Variants in KLHL4 observed in about 807,000 individuals in gnomAD.
The protein encoded by KLHL4 is kelch-like protein 4.
In KLHL4, 17 loss-of-function variants were observed where a neutral mutation model predicts 45.8. That is an observed-to-expected ratio of 0.37 (90% CI 0.25 to 0.56). KLHL4 has a LOEUF of 0.56. Among genes scored for constraint, KLHL4 ranks in the 20% least tolerant of loss-of-function variants. The pLI is 0.79. For missense variants in KLHL4, 544 were observed against 544.9 expected (o/e 1.00, Z 0.02); for synonymous variants, 224 against 189.9 (o/e 1.18, Z -1.47).
At position 87,669,125 on chromosome X, in the gene KLHL4, G is replaced by A. The variant is rs772500684; in HGVS notation, c.*2591G>A. 1.8e-4 allele frequency: 185 copies of A among 1,003,331 alleles called. 1 individual carries two copies. In the African/African-American group the frequency reaches 3.1e-3, roughly 17 times the overall value. The allele number at this position is 1,003,331 out of a possible 1,213,427, so 82.7% of individuals were successfully genotyped here. A position where few individuals can be genotyped will look rare whatever the true frequency, so the allele number is the denominator to read the frequency against. On this transcript the variant is annotated 3_prime_UTR_variant, in exon 11 of 11. Transcript: ENST00000373119. Reference sequence around the variant, plus strand: ...TATCAGGGCTAGTTTAAACAAATGTGTATAGGAAAGGATGTTATTTATATA... The same window carrying A: ...TATCAGGGCTAGTTTAAACAAATGTATATAGGAAAGGATGTTATTTATATA...
chrX:87,568,391 CTTTT>C (rs58586775), intron 1 of KLHL4, among the ~76,000 whole-genome samples: 13 of 57,495 alleles, frequency 2.3e-4, no homozygotes, highest in African/African-American at 8.2e-4. Context: ...TTCTTTTTTT[CTTTT>C]TTTTTTTTTT....
At chrX:87,620,368 C>G (rs1922710158) in intron 4 of KLHL4, among the ~76,000 whole-genome samples, 1 of 111,711 alleles carries the variant, frequency 9.0e-6, no homozygotes, top group Non-Finnish European at 1.9e-5. Flanking sequence ...GTACTGGATA[C>G]TGCAATGTAA....
Position 87,625,713 on chromosome X carries a change from C to A in KLHL4, c.1241C>A (p.Ser414Tyr). The change falls in exon 6 of 11, where the codon TCC (serine) becomes TAC (tyrosine). Residue 414 changes from serine to tyrosine, a missense_variant. Ser to Tyr is a moderately radical substitution (Grantham distance 144, BLOSUM62 -2). Transcript: ENST00000373119. ...TATCATCTTTTGCCTGAGAGAAGATCCATGATGCAAAGCCCTCGGACAAAG... is the reference window on the plus strand; with the variant it reads ...TATCATCTTTTGCCTGAGAGAAGATACATGATGCAAAGCCCTCGGACAAAG... ...MKYHLLPERR[S>Y]MMQSPRTKPR... The A allele has an allele frequency of 8.3e-7, 1 of 1,209,365 alleles. No homozygotes were observed. The highest frequency in any genetic ancestry group is 1.1e-6 in the Non-Finnish European group (1 of 893,824).
intron 5 of KLHL4, among the ~76,000 whole-genome samples, chrX:87,624,357 G>T (rs1347768422): frequency 8.9e-6 from 1 of 111,918 alleles, no homozygotes; most frequent in Non-Finnish European, 1.9e-5. Context: ...TCTTAGAAAT[G>T]AAATATATAA....
At chrX:87,597,732 T>G (rs1921883980) in intron 1 of KLHL4, among the ~76,000 whole-genome samples, 1 of 111,768 alleles carries the variant, frequency 8.9e-6, no homozygotes, top group South Asian at 3.7e-4. Context: ...ACTTTAAGAC[T>G]GGCTATAGAA....
At chrX:87,656,607 T>A (rs1923998532) in intron 9 of KLHL4, among the ~76,000 whole-genome samples, 1 of 110,089 alleles carries the variant, frequency 9.1e-6, no homozygotes, top group Non-Finnish European at 1.9e-5. Context: ...GTTTTCTGAT[T>A]TCTTTGTATT....
At position 87,643,320 on chromosome X, in the gene KLHL4, T is replaced by C. The variant is rs368329401; in HGVS notation, c.1925+7545T>C. Reference sequence around the variant, plus strand: ...AAAAAACCTAGAAGAGATGGCTAAATCTCTGGAAAAATACAACTCCCCTAG... The same window carrying C: ...AAAAAACCTAGAAGAGATGGCTAAACCTCTGGAAAAATACAACTCCCCTAG... On this transcript the variant is annotated intron_variant, in intron 9 of 10. Coordinates refer to ENST00000373119, the MANE Select transcript of KLHL4 (RefSeq NM_019117.5). 1.4e-4 allele frequency among the ~76,000 whole-genome samples: 16 copies of C among 110,750 alleles called. No individual in the cohort carries two copies. In the South Asian group the frequency reaches 2.6e-3, roughly 18 times the overall value.
chrX:87,544,676 C>T (rs1306754716), intron 1 of KLHL4, among the ~76,000 whole-genome samples: 1 of 111,628 alleles, frequency 9.0e-6, no homozygotes, highest in Non-Finnish European at 1.9e-5. Context: ...TAATAGAATT[C>T]TCCTGGATCT....
rs761265002 is a variant in KLHL4 at position 87,635,546 on chromosome X, T to G, written c.1713-17T>G. On this transcript the variant is annotated splice_polypyrimidine_tract_variant and intron_variant, in intron 8 of 10. Coordinates refer to ENST00000373119, the MANE Select transcript of KLHL4 (RefSeq NM_019117.5). ...ACACACACATATACATACACACAATTCTGTCTTTTTATCTAGATTATATGC... is the reference window on the plus strand; with the variant it reads ...ACACACACATATACATACACACAATGCTGTCTTTTTATCTAGATTATATGC... The G allele has an allele frequency of 2.1e-5, 24 of 1,169,436 alleles. No individual in the cohort carries two copies. Among genetic ancestry groups the G allele is most frequent in the Non-Finnish European group, 2.7e-5 (23 of 859,508 alleles).
intron 1 of KLHL4, among the ~76,000 whole-genome samples, chrX:87,582,026 T>C (rs781539858): frequency 8.9e-6 from 1 of 111,958 alleles, no homozygotes; most frequent in Admixed American, 9.4e-5. Context: ...ACCAACCTGA[T>C]AGAGCTAAAA....
intron 1 of KLHL4, among the ~76,000 whole-genome samples, chrX:87,589,940 A>T (rs1921605201): frequency 9.2e-6 from 1 of 108,431 alleles, no homozygotes; most frequent in Non-Finnish European, 1.9e-5. Flanking sequence ...TGGGAGGCTG[A>T]GGCAGAAGAA....
chrX:87,645,039 G>C (rs1313172155), intron 9 of KLHL4, among the ~76,000 whole-genome samples: 1 of 111,689 alleles, frequency 9.0e-6, no homozygotes, highest in African/African-American at 3.3e-5. Flanking sequence ...TAAAAACAAA[G>C]CTAAATAGGT....
intron 1 of KLHL4, among the ~76,000 whole-genome samples, chrX:87,577,341 A>G (rs1921134277): frequency 8.9e-6 from 1 of 112,118 alleles, no homozygotes; most frequent in Non-Finnish European, 1.9e-5. Context: ...TCAGCTTTGA[A>G]AACAAAAGAC....
At chrX:87,605,356 T>A (rs2147808615) in intron 1 of KLHL4, among the ~76,000 whole-genome samples, 1 of 111,396 alleles carries the variant, frequency 9.0e-6, no homozygotes, top group Admixed American at 9.6e-5. Context: ...CATTGGGTAG[T>A]ATGGCCATTT....
rs1924480571 is a variant in KLHL4, at chrX:87,669,148, A to G, written c.*2614A>G. 2 of 1,023,554 alleles carry G rather than the reference A, an allele frequency of 2.0e-6. No individual in the cohort carries two copies. Among genetic ancestry groups the G allele is most frequent in the African/African-American group, 1.9e-5 (1 of 51,419 alleles). The allele number at this position is 1,023,554 out of a possible 1,213,427, so 84.4% of individuals were successfully genotyped here. A position where few individuals can be genotyped will look rare whatever the true frequency, so the allele number is the denominator to read the frequency against. On this transcript the variant is annotated 3_prime_UTR_variant, in exon 11 of 11. Transcript: ENST00000373119. ...GTGTATAGGAAAGGATGTTATTTATATATTCTTACAAGAGTGTAAGGGCTC... is the reference window on the plus strand; with the variant it reads ...GTGTATAGGAAAGGATGTTATTTATGTATTCTTACAAGAGTGTAAGGGCTC...
chrX:87,640,533 A>G (rs1923418860), intron 9 of KLHL4, among the ~76,000 whole-genome samples: 1 of 112,290 alleles, frequency 8.9e-6, no homozygotes, highest in Non-Finnish European at 1.9e-5. Context: ...GGGATTGTTT[A>G]ACATCCACAA....
At chrX:87,647,450 G>C (rs1317204299) in intron 9 of KLHL4, among the ~76,000 whole-genome samples, 2 of 111,887 alleles carry the variant, frequency 1.8e-5, no homozygotes, top group African/African-American at 6.5e-5. Context: ...GTTTATAGCA[G>C]AACAATTTGC....
chrX:87,667,045 A>G lies in KLHL4; in HGVS notation c.*511A>G. 2 of 734,243 alleles carry G rather than the reference A, an allele frequency of 2.7e-6. No individual in the cohort carries two copies. The highest frequency in any genetic ancestry group is 3.2e-6 in the Non-Finnish European group (2 of 624,135). 60.5% of individuals were successfully genotyped at this position (734,243 alleles called of 1,213,427 possible). A position where few individuals can be genotyped will look rare whatever the true frequency, so the allele number is the denominator to read the frequency against. On this transcript the variant is annotated 3_prime_UTR_variant, in exon 11 of 11. Coordinates refer to ENST00000373119, the MANE Select transcript of KLHL4 (RefSeq NM_019117.5). ...AAATAATATCCCAAAGAGCTAAACA[A>G]TTCCTTACATTTACCAAGAGGAAAG...
chrX:87,549,431 C>T (rs1569339062), intron 1 of KLHL4, among the ~76,000 whole-genome samples: 1 of 111,327 alleles, frequency 9.0e-6, no homozygotes, highest in Non-Finnish European at 1.9e-5. Context: ...GGATCTAATG[C>T]ATATTTAGAA....
Sources: allele counts gnomAD v4.1 joint callset (sites outside exome capture counted in the v4.1 genomes callset), GRCh38; gene constraint gnomAD v4.1.1; transcripts MANE v1.5; gene names NCBI Gene and HGNC (gene_info 2026-07-23, HGNC 2026-07-21).